PTPRC: variants seen among roughly 807,000 people sequenced by gnomAD.
The protein encoded by PTPRC is receptor-type tyrosine-protein phosphatase C.
PTPRC carries 44 observed loss-of-function variants against 155.9 expected under a neutral mutation model. The ratio of observed to expected loss-of-function variants is 0.28; its 90% CI spans 0.22 to 0.36. PTPRC has a LOEUF of 0.36. PTPRC is among the 10% of genes least tolerant of loss of function. The probability of loss-of-function intolerance (pLI) is 1.00; values close to 1 mark genes in which losing one functional copy is unlikely to be tolerated. For missense variants in PTPRC, 1,401 were observed against 1,564.6 expected (o/e 0.90, Z 1.76); for synonymous variants, 525 against 533.1 (o/e 0.98, Z 0.21).
At chr1:198,670,850 G>A (rs1664600944) in intron 2 of PTPRC, among the ~76,000 whole-genome samples, 1 of 151,642 alleles carries the variant, frequency 6.6e-6, no homozygotes, top group African/African-American at 2.4e-5. Flanking sequence ...AAAATATTAG[G>A]AAAAAATGAC....
At chr1:198,703,438 G>T in intron 7 of PTPRC, 66 bp downstream of exon 7, 2 of 1,605,284 alleles carry the variant, frequency 1.2e-6, no homozygotes, top group Non-Finnish European at 8.5e-7. Flanking sequence ...TCTCACAAGG[G>T]CCTTCCACCC....
chr1:198,752,183 A>G, intron 29 of PTPRC, 66 bp from the exon 30 acceptor site: 2 of 1,515,766 alleles, frequency 1.3e-6, no homozygotes, highest in African/African-American at 1.4e-5. Context: ...AGGGAGAAAG[A>G]GGGAGACTGA....
At chr1:198,740,854 T>C (rs1457493713) in intron 23 of PTPRC, among the ~76,000 whole-genome samples, 1 of 151,898 alleles carries the variant, frequency 6.6e-6, no homozygotes, top group Non-Finnish European at 1.5e-5. Flanking sequence ...ACATGGGGGT[T>C]AAGATTTTCT....
intron 12 of PTPRC, 125 bp downstream of exon 12, chr1:198,713,197 T>C (rs1653400299): frequency 1.5e-6 from 2 of 1,334,580 alleles, no homozygotes; most frequent in Non-Finnish European, 2.1e-6. Flanking sequence ...CATAGTATAC[T>C]CCCTGATCTT....
At chr1:198,660,063 A>G (rs1183086018) in intron 2 of PTPRC, among the ~76,000 whole-genome samples, 4 of 112,986 alleles carry the variant, frequency 3.5e-5, no homozygotes, top group Non-Finnish European at 7.3e-5. Context: ...ATATATATAT[A>G]TATATGATCT....
At chr1:198,755,491 A>C (rs1400183901) in intron 32 of PTPRC, among the ~76,000 whole-genome samples, 2 of 152,098 alleles carry the variant, frequency 1.3e-5, no homozygotes, top group African/African-American at 4.8e-5. Flanking sequence ...AAAATGACAG[A>C]AAAATTATAA....
intron 3 of PTPRC, among the ~76,000 whole-genome samples, chr1:198,696,461 T>G (rs1347306543): frequency 1.3e-5 from 2 of 152,174 alleles, no homozygotes; most frequent in Non-Finnish European, 1.5e-5. Context: ...TAGATCTGTG[T>G]CTACATATTA....
intron 2 of PTPRC, among the ~76,000 whole-genome samples, chr1:198,683,632 A>C (rs1402483159): frequency 6.6e-6 from 1 of 152,096 alleles, no homozygotes; most frequent in Non-Finnish European, 1.5e-5. Context: ...CTTTAAGAAA[A>C]TACCAGTGCA....
At chr1:198,670,302 G>A (rs1487201493) in intron 2 of PTPRC, among the ~76,000 whole-genome samples, 1 of 152,012 alleles carries the variant, frequency 6.6e-6, no homozygotes, top group Non-Finnish European at 1.5e-5. Flanking sequence ...ATTAATCACT[G>A]TTATATGACC....
intron 2 of PTPRC, among the ~76,000 whole-genome samples, chr1:198,685,028 C>T (rs534077548): frequency 6.6e-6 from 1 of 152,100 alleles, no homozygotes; most frequent in Admixed American, 6.5e-5. Context: ...CAGAAAGGCA[C>T]TACACTCACT....
intron 31 of PTPRC, among the ~76,000 whole-genome samples, chr1:198,753,744 TTTGA>T (rs1287610591): frequency 6.6e-6 from 1 of 152,112 alleles, no homozygotes; most frequent in African/African-American, 2.4e-5. Flanking sequence ...TGGTAAACTA[TTTGA>T]TTGCCCTCTT....
chr1:198,676,273 G>A (rs988267505), intron 2 of PTPRC, among the ~76,000 whole-genome samples: 1 of 152,166 alleles, frequency 6.6e-6, no homozygotes, highest in Non-Finnish European at 1.5e-5. Context: ...TAAGCATTAG[G>A]TGTTCTTTTG....
At chr1:198,744,717 GA>G (rs2102524206) in intron 26 of PTPRC, among the ~76,000 whole-genome samples, 1 of 151,930 alleles carries the variant, frequency 6.6e-6, no homozygotes, top group Admixed American at 6.6e-5. Context: ...TATAATTTCA[GA>G]GAGTTTGCAT....
At chr1:198,692,033 A>C (rs1665953213) in intron 2 of PTPRC, among the ~76,000 whole-genome samples, 1 of 152,140 alleles carries the variant, frequency 6.6e-6, no homozygotes, top group Admixed American at 6.5e-5. Context: ...ATTTGGGAAA[A>C]AAAAGTTTCA....
chr1:198,751,769 T>A (rs749181647), intron 29 of PTPRC, among the ~76,000 whole-genome samples: 1 of 152,048 alleles, frequency 6.6e-6, no homozygotes, highest in Non-Finnish European at 1.5e-5. Flanking sequence ...AGACAAAATA[T>A]ATAAAGCTGC....
chr1:198,751,139 C>T (rs917561690), intron 29 of PTPRC, among the ~76,000 whole-genome samples: 37 of 151,974 alleles, frequency 2.4e-4, no homozygotes, highest in African/African-American at 8.5e-4. Context: ...GTGCTGTCTT[C>T]CAGTTTTGAC....
At chr1:198,677,327 G>C (rs1033755367) in intron 2 of PTPRC, among the ~76,000 whole-genome samples, 29 of 152,158 alleles carry the variant, frequency 1.9e-4, no homozygotes, top group African/African-American at 6.7e-4. Flanking sequence ...GTGAGAGAGG[G>C]CCTTCATTAT....
Position 198,756,323 on chromosome 1 carries a change from T to C in PTPRC, c.*142T>C. On this transcript the variant is annotated 3_prime_UTR_variant, in exon 33 of 33. Coordinates refer to ENST00000442510, the MANE Select transcript of PTPRC (RefSeq NM_002838.5). ...TTGTAGAAGGGTTATATTTTACTAC[T>C]GTGGAAAAATATTTAAGATAGTTTT... is the stretch of plus-strand genomic sequence containing the variant. The C allele has an allele frequency of 1.8e-6, 2 of 1,086,152 alleles. No individual in the cohort carries two copies. Among genetic ancestry groups the C allele is most frequent in the Non-Finnish European group, 2.6e-6 (2 of 757,978 alleles). 67.3% of individuals were successfully genotyped at this position (1,086,152 alleles called of 1,614,324 possible).
intron 3 of PTPRC, chr1:198,692,669 A>G (rs1665991119): frequency 1.1e-6 from 1 of 947,692 alleles, no homozygotes; most frequent in African/African-American, 1.8e-5. Context: ...ATATTTTAAG[A>G]CTATAAAAAA....
Sources: gnomAD v4.1 joint callset for allele counts (sites outside exome capture counted in the v4.1 genomes callset) on GRCh38, gnomAD v4.1.1 for gene constraint, MANE v1.5 for transcripts, NCBI Gene and HGNC (gene_info 2026-07-23, HGNC 2026-07-21) for gene names.